The following ITPK1 variants were observed in gnomAD, a reference collection of about 807,000 sequenced individuals.
ITPK1 encodes the protein inositol-tetrakisphosphate 1-kinase.
A neutral mutation model predicts 45.3 loss-of-function variants in ITPK1; 21 were observed. The observed-to-expected ratio is 0.46, with a 90% confidence interval of 0.33 to 0.67. ITPK1 has a LOEUF of 0.67. Ranked by LOEUF, ITPK1 falls within the 30% of genes least tolerant of loss-of-function variation. The pLI is 0.02. For missense variants in ITPK1, 474 were observed against 573.5 expected (o/e 0.83, Z 1.77); for synonymous variants, 258 against 253.6 (o/e 1.02, Z -0.16).
At chr14:93,033,714 C>A (rs1434080819) in intron 3 of ITPK1, among the ~76,000 whole-genome samples, 1 of 152,154 alleles carries the variant, frequency 6.6e-6, no homozygotes, top group African/African-American at 2.4e-5. Context: ...GAGAGACAGA[C>A]ACACACCCAC....
At chr14:93,109,534 C>T (rs1255887149) in intron 2 of ITPK1, among the ~76,000 whole-genome samples, 1 of 152,176 alleles carries the variant, frequency 6.6e-6, no homozygotes, top group African/African-American at 2.4e-5. Flanking sequence ...CCAGTGGAGA[C>T]TTGGCATTTT....
intron 2 of ITPK1, among the ~76,000 whole-genome samples, chr14:93,107,658 C>A (rs541368712): frequency 1.3e-5 from 2 of 152,202 alleles, no homozygotes; most frequent in South Asian, 2.1e-4. Context: ...GGATGCGGAG[C>A]GGGGTCTGGA....
chr14:93,046,848 G>T (rs1555371082), intron 3 of ITPK1, among the ~76,000 whole-genome samples: 2 of 152,186 alleles, frequency 1.3e-5, no homozygotes, highest in Non-Finnish European at 2.9e-5. Context: ...GCTCTGCTCG[G>T]TGGAACTCCC....
At chr14:93,006,638 C>A (rs563516507) in intron 4 of ITPK1, among the ~76,000 whole-genome samples, 1 of 152,170 alleles carries the variant, frequency 6.6e-6, no homozygotes, top group Non-Finnish European at 1.5e-5. Flanking sequence ...CTCACTTAGC[C>A]GCCTGGCATG....
At chr14:93,056,897 C>A (rs766193026) in intron 3 of ITPK1, among the ~76,000 whole-genome samples, 1 of 152,194 alleles carries the variant, frequency 6.6e-6, no homozygotes, top group African/African-American at 2.4e-5. Flanking sequence ...GTTAAATAAA[C>A]CCCATGCAAG....
At chr14:93,099,883 T>C (rs925445561) in intron 2 of ITPK1, among the ~76,000 whole-genome samples, 3 of 152,206 alleles carry the variant, frequency 2.0e-5, no homozygotes, top group African/African-American at 7.2e-5. Context: ...GTCCTAGCCC[T>C]GGACTCTGTG....
rs150275598 is a variant in ITPK1 at position 92,939,010 on chromosome 14, G to A, written c.*2551C>T. ...ACCATCAAGACAGGCACTGCAGGGC[G>A]CAGAGCCAACGTGCTGACCAACTCA... On this transcript the variant is annotated 3_prime_UTR_variant, in exon 11 of 11. Transcript: ENST00000267615. The A allele has an allele frequency of 9.8e-4, 166 of 169,832 alleles. No homozygotes were observed. The highest frequency in any genetic ancestry group is 3.4e-3 in the African/African-American group (141 of 41,970). The allele number at this position is 169,832 out of a possible 1,614,324, so 10.5% of individuals were successfully genotyped here.
intron 3 of ITPK1, among the ~76,000 whole-genome samples, chr14:93,049,242 A>T (rs918322626): frequency 4.6e-5 from 7 of 152,218 alleles, no homozygotes; most frequent in African/African-American, 1.7e-4. Flanking sequence ...AAAGTCAGCA[A>T]TACACAAGAA....
At chr14:93,029,979 C>A (rs146085615) in intron 3 of ITPK1, among the ~76,000 whole-genome samples, 1 of 152,348 alleles carries the variant, frequency 6.6e-6, no homozygotes, top group Non-Finnish European at 1.5e-5. Context: ...CTGCTACCCC[C>A]TTCCAGAAAC....
intron 4 of ITPK1, among the ~76,000 whole-genome samples, chr14:93,000,924 T>C (rs1887309411): frequency 7.3e-6 from 1 of 137,558 alleles, no homozygotes; most frequent in Admixed American, 7.6e-5. Flanking sequence ...TGAGCTGAGA[T>C]TGCACCACTC....
At chr14:93,005,275 G>T (rs1443353970) in intron 4 of ITPK1, among the ~76,000 whole-genome samples, 1 of 152,162 alleles carries the variant, frequency 6.6e-6, no homozygotes, top group Non-Finnish European at 1.5e-5. Context: ...ATTTGGTAGA[G>T]CTGGCAAAAA....
At position 92,940,273 on chromosome 14, in the gene ITPK1, C is replaced by A; in HGVS notation, c.*1288G>T. ...AAACTGCTATCTTAAGACACAAAAA[C>A]ATACTTGTGGGGGCTGATGCCTCTC... On this transcript the variant is annotated 3_prime_UTR_variant, in exon 11 of 11. Transcript: ENST00000267615. The A allele has an allele frequency of 1.0e-6, 1 of 987,850 alleles. No homozygotes were observed. The highest frequency in any genetic ancestry group is 1.2e-6 in the Non-Finnish European group (1 of 831,474). The allele number at this position is 987,850 out of a possible 1,614,324, so 61.2% of individuals were successfully genotyped here. A position where few individuals can be genotyped will look rare whatever the true frequency, so the allele number is the denominator to read the frequency against.
At chr14:93,080,443 G>A (rs2139990162) in intron 2 of ITPK1, among the ~76,000 whole-genome samples, 1 of 152,312 alleles carries the variant, frequency 6.6e-6, no homozygotes, top group South Asian at 2.1e-4. Context: ...ATCGATCAAT[G>A]GAGGACACAA....
intron 4 of ITPK1, among the ~76,000 whole-genome samples, chr14:92,999,778 T>C (rs1000341025): frequency 6.6e-6 from 1 of 152,248 alleles, no homozygotes; most frequent in Admixed American, 6.5e-5. Context: ...GATTGAGATA[T>C]CATTCACATA....
chr14:93,002,944 A>T (rs1887424799), intron 4 of ITPK1, among the ~76,000 whole-genome samples: 1 of 152,208 alleles, frequency 6.6e-6, no homozygotes, highest in Non-Finnish European at 1.5e-5. Flanking sequence ...CCAGCCCTGG[A>T]GCAAGACAGA....
In ITPK1 at chr14:93,063,829, C is replaced by T. The variant is rs572839226; in HGVS notation, c.120+12766G>A. ...GGCACTAACCCTGGCACTCAGTAGA[C>T]GAGGCACACACAGGAGTTCTCACTG... is the stretch of plus-strand genomic sequence containing the variant. On this transcript the variant is annotated intron_variant, in intron 3 of 10. Transcript: ENST00000267615. This position sits in a 1 kb window ranked among gnomAD's most constrained non-coding sequence, Gnocchi z 4.3. Among the ~76,000 whole-genome samples the T allele has an allele frequency of 7.9e-5, 12 of 152,166 alleles. No individual in the cohort carries two copies. Among genetic ancestry groups the T allele is most frequent in the African/African-American group, 2.7e-4 (11 of 41,430 alleles).
chr14:92,982,875 A>G (rs764245436), intron 5 of ITPK1, among the ~76,000 whole-genome samples: 1 of 152,242 alleles, frequency 6.6e-6, no homozygotes, highest in Non-Finnish European at 1.5e-5. Flanking sequence ...CTATGGCCTT[A>G]CCACAGGTGC....
intron 3 of ITPK1, among the ~76,000 whole-genome samples, chr14:93,028,960 C>T (rs749833115): frequency 1.3e-5 from 2 of 152,172 alleles, no homozygotes; most frequent in Admixed American, 6.5e-5. Flanking sequence ...TTAGCCTGTG[C>T]CCCCTCCCTG....
chr14:92,972,989 G>T (rs924651190), intron 5 of ITPK1, among the ~76,000 whole-genome samples: 2 of 152,180 alleles, frequency 1.3e-5, no homozygotes, highest in African/African-American at 4.8e-5. Flanking sequence ...CCCGTTCCAT[G>T]CCTCACTTGG....
Sources: allele counts gnomAD v4.1 joint callset (sites outside exome capture counted in the v4.1 genomes callset), GRCh38; gene constraint gnomAD v4.1.1; non-coding constraint Gnocchi (gnomAD v3.1); transcripts MANE v1.5; gene names NCBI Gene and HGNC (gene_info 2026-07-23, HGNC 2026-07-21).